The following LOC400499 variants were observed in gnomAD, a reference collection of about 807,000 sequenced individuals.
At chr16:11,526,504 T>C in the LOC400499 span, among the ~76,000 whole-genome samples, 1 of 152,258 alleles carries the variant, frequency 6.6e-6, no homozygotes, top group African/African-American at 2.4e-5. Context: ...ATCAAGTATT[T>C]GCAATGAAAA....
the LOC400499 span, among the ~76,000 whole-genome samples, chr16:11,501,901 T>G: frequency 6.6e-6 from 1 of 152,114 alleles, no homozygotes; most frequent in African/African-American, 2.4e-5. Flanking sequence ...GCTCCCCACT[T>G]AATCTCCTTC....
chr16:11,464,966 G>C, the LOC400499 span, among the ~76,000 whole-genome samples: 1 of 152,196 alleles, frequency 6.6e-6, no homozygotes, highest in African/African-American at 2.4e-5. Flanking sequence ...CCCTGACATA[G>C]GTCTTCCCCC....
At chr16:11,447,933 C>T in the LOC400499 span, 3 of 1,534,940 alleles carry the variant, frequency 2.0e-6, no homozygotes, top group African/African-American at 4.1e-5. Context: ...GGCGCACATA[C>T]CTAAGGAGCA....
At chr16:11,422,944 G>T in the LOC400499 span, among the ~76,000 whole-genome samples, 1 of 152,186 alleles carries the variant, frequency 6.6e-6, no homozygotes, top group Non-Finnish European at 1.5e-5. Context: ...GTTTGCAGAT[G>T]GGACCACTCG....
At chr16:11,477,225 G>A in the LOC400499 span, among the ~76,000 whole-genome samples, 7 of 152,244 alleles carry the variant, frequency 4.6e-5, no homozygotes, top group Admixed American at 4.6e-4. Flanking sequence ...AATCCCGGGT[G>A]TCTAAGTCCC....
At chr16:11,387,370 A>G in the LOC400499 span, 2 of 1,162,544 alleles carry the variant, frequency 1.7e-6, no homozygotes, top group Non-Finnish European at 2.2e-6. Context: ...GGGAGCTTCT[A>G]GGTCTGCAGG....
At chr16:11,525,800 G>A in the LOC400499 span, among the ~76,000 whole-genome samples, 41,436 of 151,988 alleles carry the variant, frequency 0.27, 6,041 homozygotes, top group East Asian at 0.56. Flanking sequence ...CTGAACGCTT[G>A]AACACATTTA....
At chr16:11,448,732 A>C in the LOC400499 span, among the ~76,000 whole-genome samples, 298 of 152,250 alleles carry the variant, frequency 2.0e-3, 6 homozygotes, top group South Asian at 0.043. Flanking sequence ...CAAAAAATAT[A>C]TAAGAAAAGA....
chr16:11,376,338 C>G, the LOC400499 span, among the ~76,000 whole-genome samples: 3 of 146,748 alleles, frequency 2.0e-5, no homozygotes, highest in African/African-American at 7.4e-5. Context: ...GTCTTTAATC[C>G]ATTATTGAGG....
At chr16:11,455,594 G>A in the LOC400499 span, among the ~76,000 whole-genome samples, 6 of 151,998 alleles carry the variant, frequency 3.9e-5, no homozygotes, top group Non-Finnish European at 7.4e-5. Flanking sequence ...AATTTGCCAG[G>A]TGTGGTGGCA....
At chr16:11,378,862 G>A in the LOC400499 span, among the ~76,000 whole-genome samples, 2 of 152,176 alleles carry the variant, frequency 1.3e-5, no homozygotes, top group Non-Finnish European at 1.5e-5. Context: ...TGTGTATTCT[G>A]CTGTTGGGTG....
the LOC400499 span, among the ~76,000 whole-genome samples, chr16:11,511,671 G>C: frequency 6.6e-6 from 1 of 152,202 alleles, no homozygotes; most frequent in African/African-American, 2.4e-5. Flanking sequence ...GTGGCTGCCA[G>C]GGTCTGGGAA....
the LOC400499 span, among the ~76,000 whole-genome samples, chr16:11,500,430 G>C: frequency 6.6e-6 from 1 of 152,076 alleles, no homozygotes; most frequent in South Asian, 2.1e-4. Context: ...AGAATTGCTT[G>C]AACCCAGGAG....
At chr16:11,509,793 T>C in the LOC400499 span, among the ~76,000 whole-genome samples, 6 of 152,174 alleles carry the variant, frequency 3.9e-5, no homozygotes, top group South Asian at 1.2e-3. Context: ...ATCACTCCAC[T>C]GCACCCCAGC....
At chr16:11,391,891 G>A in the LOC400499 span, 93 of 1,147,142 alleles carry the variant, frequency 8.1e-5, no homozygotes, top group Non-Finnish European at 9.1e-5. Flanking sequence ...CAGAATCAGG[G>A]TGAGGTCCAG....
chr16:11,408,552 C>A, the LOC400499 span, among the ~76,000 whole-genome samples: 2 of 150,136 alleles, frequency 1.3e-5, no homozygotes, highest in African/African-American at 4.9e-5. Context: ...GCAGCCTCAA[C>A]CTCCTGGGCT....
At chr16:11,431,165 C>T in the LOC400499 span, 2 of 398,910 alleles carry the variant, frequency 5.0e-6, no homozygotes, top group East Asian at 3.6e-5. Context: ...CTCCATTCCT[C>T]AGATGCCTTG....
the LOC400499 span, chr16:11,471,653 CCTGGGG>C: frequency 2.5e-6 from 1 of 399,076 alleles, no homozygotes; most frequent in East Asian, 3.6e-5. Context: ...CTAGGGCCCA[CCTGGGG>C]CTGCAGGGTA....
At chr16:11,393,082 C>G in the LOC400499 span, among the ~76,000 whole-genome samples, 1 of 152,034 alleles carries the variant, frequency 6.6e-6, no homozygotes, top group Non-Finnish European at 1.5e-5. Context: ...TCTCGATCTC[C>G]TGACCTTGTG....
Sources: allele counts gnomAD v4.1 joint callset (sites outside exome capture counted in the v4.1 genomes callset), GRCh38; gene constraint gnomAD v4.1.1; transcripts MANE v1.5.